The following TMEM120A variants were observed in gnomAD, a reference collection of about 807,000 sequenced individuals.
TMEM120A encodes the protein transmembrane protein 120A, also known as ion channel TACAN.
A neutral mutation model predicts 54.3 loss-of-function variants in TMEM120A; 45 were observed. That is an observed-to-expected ratio of 0.83 (90% confidence interval 0.65 to 1.06). The LOEUF (loss-of-function observed/expected upper bound fraction) is 1.06. Ranked by LOEUF, TMEM120A falls within the 50% of genes least tolerant of loss-of-function variation. The pLI is 0.00. For synonymous variants in TMEM120A, 204 were observed against 178.5 expected (o/e 1.14, Z -1.14); for missense variants, 424 against 441.7 (o/e 0.96, Z 0.36).
At chr7:75,990,285 G>A (rs1789786324) in intron 3 of TMEM120A, among the ~76,000 whole-genome samples, 1 of 152,108 alleles carries the variant, frequency 6.6e-6, no homozygotes, top group African/African-American at 2.4e-5. Context: ...AGAGAAGACA[G>A]CCTGACTCCT....
In TMEM120A at chr7:75,987,061, G is replaced by A. The variant is rs781835373; in HGVS notation, c.*111C>T. 1.1e-5 allele frequency: 10 copies of A among 926,088 alleles called. No individual in the cohort carries two copies. Among genetic ancestry groups the A allele is most frequent in the Middle Eastern group, 4.3e-4 (2 of 4,642 alleles). 57.4% of individuals were successfully genotyped at this position (926,088 alleles called of 1,614,324 possible). A position where few individuals can be genotyped will look rare whatever the true frequency, so the allele number is the denominator to read the frequency against. On this transcript the variant is annotated 3_prime_UTR_variant, in exon 12 of 12. Coordinates refer to ENST00000493111, the MANE Select transcript of TMEM120A (RefSeq NM_031925.3). The stretch of plus-strand genomic sequence containing the variant: ...GGCCCACAGCGCCCATAAAACCCAA[G>A]GGAGAATAGAAGAGACCCCCTGATA...
chr7:75,987,194 C>G lies in TMEM120A; in HGVS notation c.1010G>C (p.Arg337Pro), dbSNP rs199589713. The change falls in exon 12 of 12, where the codon CGG becomes CCG. Residue 337 changes from arginine (R) to proline (P), a missense_variant. Coordinates refer to ENST00000493111, the MANE Select transcript of TMEM120A (RefSeq NM_031925.3). ...RVVHHKFHSQ[R>P]HGSKKD Reference sequence around the variant, plus strand: ...GCCTCAATCCTTCTTGCTCCCGTGCCGCTGACTGTGAAACTTGTGGTGCAC... The same window carrying G: ...GCCTCAATCCTTCTTGCTCCCGTGCGGCTGACTGTGAAACTTGTGGTGCAC... 1 of 1,605,142 alleles carries G rather than the reference C, an allele frequency of 6.2e-7. No individual in the cohort carries two copies. The highest frequency in any genetic ancestry group is 8.5e-7 in the Non-Finnish European group (1 of 1,176,682).
Position 75,987,907 on chromosome 7 carries a change from C to G in TMEM120A, c.691+16G>C. 6.2e-7 allele frequency: 1 copy of G among 1,601,836 alleles called. No homozygotes were observed. Among genetic ancestry groups the G allele is most frequent in the Non-Finnish European group, 8.5e-7 (1 of 1,174,774 alleles). The stretch of plus-strand genomic sequence containing the variant: ...GGGTGCCTCCAGGGCTCAGCACAGA[C>G]ATCTGGGACACTCACTCTGGTACAT... On this transcript the variant is annotated intron_variant, in intron 8 of 11. Transcript: ENST00000493111.
rs376258775 is a variant in TMEM120A at position 75,990,407 on chromosome 7, A to G, written c.318-1183T>C. ...TCTCGCTCTCCCCAGGCTTCCCTCC[A>G]TCACCTCCTGCCCTTCTCCTGGGTC... is the stretch of plus-strand genomic sequence containing the variant. On this transcript the variant is annotated intron_variant, in intron 3 of 11. Coordinates refer to ENST00000493111, the MANE Select transcript of TMEM120A (RefSeq NM_031925.3). Among the ~76,000 whole-genome samples, 5 of 151,908 alleles carry G rather than the reference A, an allele frequency of 3.3e-5. No homozygotes were observed. The East Asian group carries it at 9.7e-4, about 29-fold the overall frequency.
intron 3 of TMEM120A, among the ~76,000 whole-genome samples, chr7:75,990,168 TC>T (rs1789781407): frequency 1.3e-5 from 2 of 152,050 alleles, no homozygotes; most frequent in African/African-American, 4.8e-5. Context: ...TGCGGATGTG[TC>T]CCCACTCAGC....
chr7:75,994,218 G>A (rs1318762090), intron 1 of TMEM120A, among the ~76,000 whole-genome samples: 2 of 152,190 alleles, frequency 1.3e-5, no homozygotes. Context: ...TCTCTTCTGG[G>A]AAGGGACGGG....
chr7:75,992,586 C>A (rs533078759), intron 1 of TMEM120A, 29 bp from the exon 2 acceptor site: 152 of 1,512,028 alleles, frequency 1.0e-4, no homozygotes, highest in Non-Finnish European at 1.3e-4. Context: ...AGGCTCAGGC[C>A]AGTTGGGGAG....
At chr7:75,987,856 G>T in intron 8 of TMEM120A, 46 bp from the exon 9 acceptor site, 1 of 1,601,464 alleles carries the variant, frequency 6.2e-7, no homozygotes, top group Non-Finnish European at 8.5e-7. Context: ...CCCCGGGAGG[G>T]GTTCCCTGCC....
At chr7:75,989,477 T>G (rs1196497247) in intron 3 of TMEM120A, among the ~76,000 whole-genome samples, 1 of 125,994 alleles carries the variant, frequency 7.9e-6, no homozygotes, top group Non-Finnish European at 1.7e-5. Flanking sequence ...TCCAGAGTCT[T>G]GTCTGAAACT....
Position 75,987,548 on chromosome 7 carries a change from A to T in TMEM120A, c.839T>A (p.Phe280Tyr). Residue 280 changes from phenylalanine (F) to tyrosine (Y), a missense_variant, in exon 10 of 12, where the codon TTC becomes TAC. Coordinates refer to ENST00000493111, the MANE Select transcript of TMEM120A (RefSeq NM_031925.3). Reference protein sequence around the residue: ...RGLTFLLPFLFFGHFWQLFNA... With the variant: ...RGLTFLLPFLYFGHFWQLFNA... The stretch of plus-strand genomic sequence containing the variant: ...AGAGGCACGACTTACGTGTCCAAAG[A>T]AAAGAAAAGGCAGCAGGAAGGTGAG... The T allele has an allele frequency of 6.3e-7, 1 of 1,594,884 alleles. No homozygotes were observed. The highest frequency in any genetic ancestry group is 8.5e-7 in the Non-Finnish European group (1 of 1,170,076).
At chr7:75,993,137 C>T (rs1368575814) in intron 1 of TMEM120A, among the ~76,000 whole-genome samples, 3 of 152,116 alleles carry the variant, frequency 2.0e-5, no homozygotes, top group Non-Finnish European at 4.4e-5. Context: ...TGCTAGTTGT[C>T]CCCACCCTAC....
At chr7:75,988,017 C>T (rs1554560460) in intron 7 of TMEM120A, 33 bp from the exon 8 acceptor site, 1 of 1,595,122 alleles carries the variant, frequency 6.3e-7, no homozygotes, top group Admixed American at 1.8e-5. Flanking sequence ...GTGTGGGGAC[C>T]CTTGGGGATG....
rs375397348 is a variant in TMEM120A at position 75,988,404 on chromosome 7, C to A, written c.473+17G>T. 9.8e-5 allele frequency: 68 copies of A among 691,116 alleles called. No homozygotes were observed. In the East Asian group the frequency reaches 3.2e-3, roughly 32 times the overall value. 42.8% of individuals were successfully genotyped at this position (691,116 alleles called of 1,614,324 possible). A position where few individuals can be genotyped will look rare whatever the true frequency, so the allele number is the denominator to read the frequency against. On this transcript the variant is annotated intron_variant, in intron 5 of 11. Coordinates refer to ENST00000493111, the MANE Select transcript of TMEM120A (RefSeq NM_031925.3). ...ACTGGGGATGGGGTGGGTCCTCGGC[C>A]GGGGTGGGACGCCCACCTGGAGTTG...
chr7:75,994,400 C>G (rs1323647297), intron 1 of TMEM120A, 90 bp downstream of exon 1: 2 of 1,225,654 alleles, frequency 1.6e-6, no homozygotes, highest in African/African-American at 3.1e-5. Context: ...CCCTTAGCTC[C>G]CCACTGCCTG....
intron 1 of TMEM120A, 44 bp downstream of exon 1, chr7:75,994,446 G>A: frequency 4.6e-6 from 7 of 1,522,496 alleles, no homozygotes; most frequent in South Asian, 1.2e-5. Context: ...CTGAGCCAGC[G>A]AGACGCGGCT....
Position 75,992,476 on chromosome 7 carries a change from TCTG to T in TMEM120A, c.160_162del (p.Gln54del). 6.3e-7 allele frequency: 1 copy of T among 1,598,422 alleles called. No individual in the cohort carries two copies. ...AGGGCCAGCTCCTGGAGCCGCTTCT[TCTG>T]CCGCGTGATGGAGCTGGTGCAATTG... On this transcript the variant is annotated inframe_deletion, in exon 2 of 12. Coordinates refer to ENST00000493111, the MANE Select transcript of TMEM120A (RefSeq NM_031925.3).
chr7:75,987,146 C>G lies in TMEM120A; in HGVS notation c.*26G>C. Reference sequence around the variant, plus strand: ...CACAACACACAGGACAGAAGCCCCTCTGGGCCGGCAGGGGAAGGCCCAGCC... The same window carrying G: ...CACAACACACAGGACAGAAGCCCCTGTGGGCCGGCAGGGGAAGGCCCAGCC... On this transcript the variant is annotated 3_prime_UTR_variant, in exon 12 of 12. Transcript: ENST00000493111. 1 of 1,562,906 alleles carries G rather than the reference C, an allele frequency of 6.4e-7. No homozygotes were observed.
At chr7:75,990,652 G>C (rs1360596896) in intron 3 of TMEM120A, among the ~76,000 whole-genome samples, 4 of 152,054 alleles carry the variant, frequency 2.6e-5, no homozygotes, top group African/African-American at 9.7e-5. Context: ...TTGGGAGGCC[G>C]AGGCGGGTGG....
chr7:75,987,811 C>T lies in TMEM120A; in HGVS notation c.692-1G>A, dbSNP rs1554560346. 1 of 1,611,408 alleles carries T rather than the reference C, an allele frequency of 6.2e-7. No individual in the cohort carries two copies. The highest frequency in any genetic ancestry group is 8.5e-7 in the Non-Finnish European group (1 of 1,179,406). On this transcript the variant is annotated splice_acceptor_variant, in intron 8 of 11. Coordinates refer to ENST00000493111, the MANE Select transcript of TMEM120A (RefSeq NM_031925.3). LOFTEE classifies it high-confidence loss of function. Reference sequence around the variant, plus strand: ...TAGTACTGGAGAAACTGCACGAAGCCTGGGCCGGGCGGAGGACAGAGGAGC... The same window carrying T: ...TAGTACTGGAGAAACTGCACGAAGCTTGGGCCGGGCGGAGGACAGAGGAGC...
Sources: gnomAD v4.1 joint callset for allele counts (sites outside exome capture counted in the v4.1 genomes callset) on GRCh38, gnomAD v4.1.1 for gene constraint, MANE v1.5 for transcripts, NCBI Gene and HGNC (gene_info 2026-07-23, HGNC 2026-07-21) for gene names.